The following HS6ST3 variants were observed in gnomAD, a reference collection of about 807,000 sequenced individuals.
HS6ST3 encodes the protein heparan sulfate 6-O-sulfotransferase 3, also known as heparan-sulfate 6-O-sulfotransferase 3.
A neutral mutation model predicts 36.7 loss-of-function variants in HS6ST3; 12 were observed. The observed-to-expected ratio is 0.33, with a 90% CI of 0.21 to 0.53. HS6ST3 has a LOEUF of 0.53. Ranked by LOEUF, HS6ST3 falls within the 20% of genes least tolerant of loss-of-function variation. The probability of loss-of-function intolerance (pLI) is 0.95; values close to 1 mark genes in which losing one functional copy is unlikely to be tolerated. For missense variants in HS6ST3, 584 were observed against 640.9 expected (o/e 0.91, Z 0.96); for synonymous variants, 240 against 257.5 (o/e 0.93, Z 0.65).
intron 1 of HS6ST3, among the ~76,000 whole-genome samples, chr13:96,283,795 G>A (rs1340306948): frequency 6.6e-6 from 1 of 152,142 alleles, no homozygotes; most frequent in Non-Finnish European, 1.5e-5. Context: ...CACCTTGGGA[G>A]CTTGTTAAAA....
chr13:96,554,795 G>GCA (rs1482329347), intron 1 of HS6ST3, among the ~76,000 whole-genome samples: 1 of 151,964 alleles, frequency 6.6e-6, no homozygotes, highest in Non-Finnish European at 1.5e-5. Flanking sequence ...ATGGCCAGGC[G>GCA]CAGTGGCTCA....
At chr13:96,495,635 A>G (rs1334017431) in intron 1 of HS6ST3, among the ~76,000 whole-genome samples, 1 of 152,198 alleles carries the variant, frequency 6.6e-6, no homozygotes, top group Non-Finnish European at 1.5e-5. Flanking sequence ...TTATTTAAAC[A>G]GCCATTTAAT....
At chr13:96,828,008 C>T (rs933356525) in intron 1 of HS6ST3, among the ~76,000 whole-genome samples, 3 of 152,220 alleles carry the variant, frequency 2.0e-5, no homozygotes, top group African/African-American at 7.2e-5. Flanking sequence ...ATCAGTACTT[C>T]CTCTTGGAGC....
At chr13:96,287,015 A>T (rs1035439375) in intron 1 of HS6ST3, among the ~76,000 whole-genome samples, 2 of 152,144 alleles carry the variant, frequency 1.3e-5, no homozygotes, top group African/African-American at 4.8e-5. Flanking sequence ...GAGAAACAGA[A>T]CACCCAGCAC....
At chr13:96,661,889 A>C (rs1187286169) in intron 1 of HS6ST3, among the ~76,000 whole-genome samples, 1 of 152,096 alleles carries the variant, frequency 6.6e-6, no homozygotes, top group East Asian at 1.9e-4. Context: ...CTTTTCTGGC[A>C]GTTCTTTTCT....
chr13:96,674,376 A>G lies in HS6ST3; in HGVS notation c.708-158114A>G, dbSNP rs150028469. Among the ~76,000 whole-genome samples the G allele has an allele frequency of 5.9e-5, 9 of 152,260 alleles. No homozygotes were observed. In the East Asian group the frequency reaches 1.7e-3, roughly 29 times the overall value. ...ATTATCCAGTCCCAGGAGGTTCTTT[A>G]TAACAATGCAAGAACAGACTAATAC... On this transcript the variant is annotated intron_variant, in intron 1 of 1. Transcript: ENST00000376705.
Position 96,832,937 on chromosome 13 carries a change from T to C in HS6ST3, c.1155T>C (p.Ser385=), listed in dbSNP as rs1376463840. The change falls in exon 2 of 2, where the codon TCT becomes TCC. Residue 385 remains serine (S), a synonymous_variant. Transcript: ENST00000376705. ...PFTQFNITRA[S]NVEINEGARQ... is the part of the protein sequence containing the mutation. ...CACAGTTCAACATCACGCGGGCTTCTAACGTGGAGATCAACGAGGGTGCCC... is the reference window on the plus strand; with the variant it reads ...CACAGTTCAACATCACGCGGGCTTCCAACGTGGAGATCAACGAGGGTGCCC... 1.9e-6 allele frequency: 3 copies of C among 1,614,186 alleles called. No homozygotes were observed. Among genetic ancestry groups the C allele is most frequent in the Non-Finnish European group, 2.5e-6 (3 of 1,180,014 alleles).
chr13:96,413,315 A>C (rs578262239), intron 1 of HS6ST3, among the ~76,000 whole-genome samples: 1 of 152,320 alleles, frequency 6.6e-6, no homozygotes, highest in African/African-American at 2.4e-5. Flanking sequence ...AATAATCTGG[A>C]AATAAAGTGA....
intron 1 of HS6ST3, among the ~76,000 whole-genome samples, chr13:96,436,755 G>C (rs954097167): frequency 6.6e-6 from 1 of 152,190 alleles, no homozygotes; most frequent in African/African-American, 2.4e-5. Flanking sequence ...CCCTCACCAA[G>C]AACTGTATGG....
chr13:96,429,294 T>A (rs1272556635), intron 1 of HS6ST3, among the ~76,000 whole-genome samples: 1 of 152,118 alleles, frequency 6.6e-6, no homozygotes, highest in Non-Finnish European at 1.5e-5. Flanking sequence ...TACCGAAAGG[T>A]TACCTATAGA....
chr13:96,618,716 G>A (rs2056483319), intron 1 of HS6ST3, among the ~76,000 whole-genome samples: 4 of 152,150 alleles, frequency 2.6e-5, no homozygotes. Context: ...AGTTATTTTG[G>A]TATTGAGTCT....
At chr13:96,551,612 T>C (rs1382935552) in intron 1 of HS6ST3, among the ~76,000 whole-genome samples, 4 of 152,170 alleles carry the variant, frequency 2.6e-5, no homozygotes. Flanking sequence ...TTGTAAATAC[T>C]CAAGAGAGCA....
At chr13:96,518,949 T>C (rs1174087930) in intron 1 of HS6ST3, among the ~76,000 whole-genome samples, 1 of 152,210 alleles carries the variant, frequency 6.6e-6, no homozygotes, top group East Asian at 1.9e-4. Context: ...ATCCTTTCTA[T>C]GTACAAGCTA....
chr13:96,733,201 G>A (rs926137060), intron 1 of HS6ST3, among the ~76,000 whole-genome samples: 27 of 152,182 alleles, frequency 1.8e-4, no homozygotes, highest in African/African-American at 6.3e-4. Context: ...GGCATTCTGG[G>A]CTTATTCTGG....
rs900034460 is a variant in HS6ST3, at chr13:96,255,751, A to T, written c.707+164182A>T. Among the ~76,000 whole-genome samples, 3 of 152,188 alleles carry T rather than the reference A, an allele frequency of 2.0e-5. No homozygotes were observed. The South Asian group carries it at 6.2e-4, about 31-fold the overall frequency. ...GAAGTCTGTAGAAAACTTTATCCAT[A>T]TGAACAGCTCTAGTGATTTCCAAGT... is the stretch of plus-strand genomic sequence containing the variant. On this transcript the variant is annotated intron_variant, in intron 1 of 1. Coordinates refer to ENST00000376705, the MANE Select transcript of HS6ST3 (RefSeq NM_153456.4).
intron 1 of HS6ST3, among the ~76,000 whole-genome samples, chr13:96,410,346 T>C (rs2139461713): frequency 6.6e-6 from 1 of 152,106 alleles, no homozygotes; most frequent in Admixed American, 6.5e-5. Context: ...GCAGAGGAAA[T>C]GAACAAGCAA....
At chr13:96,684,427 G>A (rs1874707756) in intron 1 of HS6ST3, among the ~76,000 whole-genome samples, 1 of 151,954 alleles carries the variant, frequency 6.6e-6, no homozygotes, top group Admixed American at 6.6e-5. Context: ...TTGAAATGAA[G>A]TCTTCACTTG....
intron 1 of HS6ST3, among the ~76,000 whole-genome samples, chr13:96,315,656 C>A (rs1594750964): frequency 1.4e-5 from 2 of 147,384 alleles, no homozygotes; most frequent in East Asian, 4.0e-4. Context: ...CTGCCTGTTA[C>A]CCAATATAAC....
In HS6ST3 at chr13:96,237,523, T is replaced by C. The variant is rs368935243; in HGVS notation, c.707+145954T>C. On this transcript the variant is annotated intron_variant, in intron 1 of 1. Coordinates refer to ENST00000376705, the MANE Select transcript of HS6ST3 (RefSeq NM_153456.4). Reference sequence around the variant, plus strand: ...CTTTGCATCATTCATCTCTTCCTTATTACCAGATCAGTGTTTAAAAATAAA... The same window carrying C: ...CTTTGCATCATTCATCTCTTCCTTACTACCAGATCAGTGTTTAAAAATAAA... Among the ~76,000 whole-genome samples the C allele has an allele frequency of 7.2e-5, 11 of 152,280 alleles. No individual in the cohort carries two copies. The East Asian group carries it at 1.7e-3, about 24-fold the overall frequency.
Sources: allele counts gnomAD v4.1 joint callset (sites outside exome capture counted in the v4.1 genomes callset), GRCh38; gene constraint gnomAD v4.1.1; transcripts MANE v1.5; gene names NCBI Gene and HGNC (gene_info 2026-07-23, HGNC 2026-07-21).